The following FHIT variants were observed in gnomAD, a reference collection of about 807,000 sequenced individuals.
FHIT encodes the protein bis(5'-adenosyl)-triphosphatase.
Under a neutral mutation model 17.9 loss-of-function variants are expected in FHIT, and 19 were observed. That is an observed-to-expected ratio of 1.06 (90% CI 0.74 to 1.56). The LOEUF (loss-of-function observed/expected upper bound fraction) is 1.56. Ranked by LOEUF, FHIT falls within the 40% of genes most tolerant of loss-of-function variation. The pLI is 0.00. For missense variants in FHIT, 248 were observed against 189.2 expected, an observed-to-expected ratio of 1.31 and a Z score of -1.82; for synonymous variants, 81 against 69.7, an observed-to-expected ratio of 1.16 and a Z score of -0.81.
intron 8 of FHIT, among the ~76,000 whole-genome samples, chr3:59,902,220 C>T (rs1575667844): frequency 6.6e-6 from 1 of 152,232 alleles, no homozygotes; most frequent in African/African-American, 2.4e-5. Context: ...CACTAATCTT[C>T]AGGGAAATGG....
intron 5 of FHIT, among the ~76,000 whole-genome samples, chr3:60,068,836 A>T (rs1229308238): frequency 6.6e-6 from 1 of 152,236 alleles, no homozygotes; most frequent in African/African-American, 2.4e-5. Context: ...TTTTAAAAAA[A>T]ATTAGACGGT....
intron 4 of FHIT, among the ~76,000 whole-genome samples, chr3:60,815,426 T>C (rs1553737340): frequency 6.6e-6 from 1 of 152,140 alleles, no homozygotes; most frequent in Non-Finnish European, 1.5e-5. Flanking sequence ...TGGTGAAATG[T>C]AGGGGTCCAG....
chr3:60,203,337 G>A (rs547607594), intron 5 of FHIT, among the ~76,000 whole-genome samples: 3 of 152,100 alleles, frequency 2.0e-5, no homozygotes, highest in African/African-American at 7.2e-5. Flanking sequence ...TAATGACACG[G>A]TTCATCATCA....
intron 5 of FHIT, among the ~76,000 whole-genome samples, chr3:60,359,059 C>T (rs1033618999): frequency 6.6e-6 from 1 of 152,070 alleles, no homozygotes; most frequent in African/African-American, 2.4e-5. Flanking sequence ...ACTTGCCCAG[C>T]ACTGAGAATA....
intron 5 of FHIT, among the ~76,000 whole-genome samples, chr3:60,187,784 T>G (rs1702221797): frequency 6.6e-6 from 1 of 152,178 alleles, no homozygotes; most frequent in African/African-American, 2.4e-5. Flanking sequence ...TGCTCCTAAT[T>G]TAATTCATTC....
At chr3:60,370,831 A>G (rs1559860551) in intron 5 of FHIT, among the ~76,000 whole-genome samples, 2 of 152,212 alleles carry the variant, frequency 1.3e-5, no homozygotes, top group African/African-American at 4.8e-5. Context: ...CTCTTCTTAA[A>G]ATACTCATTT....
intron 1 of FHIT, among the ~76,000 whole-genome samples, chr3:61,228,436 T>C (rs565549307): frequency 1.5e-3 from 228 of 152,356 alleles, no homozygotes; most frequent in African/African-American, 5.0e-3. Flanking sequence ...TGTCACATCT[T>C]CACAATTTAC....
chr3:60,459,631 G>C (rs1478258491), intron 5 of FHIT, among the ~76,000 whole-genome samples: 1 of 152,168 alleles, frequency 6.6e-6, no homozygotes, highest in Non-Finnish European at 1.5e-5. Context: ...CAATAAAGCT[G>C]ATTATAAAGA....
intron 2 of FHIT, among the ~76,000 whole-genome samples, chr3:61,074,978 T>A (rs2034926557): frequency 6.6e-6 from 1 of 152,284 alleles, no homozygotes; most frequent in South Asian, 2.1e-4. Flanking sequence ...CCAAGCTAGG[T>A]TCAGTCTCAG....
chr3:60,370,736 AT>A (rs1384463819), intron 5 of FHIT, among the ~76,000 whole-genome samples: 2 of 152,030 alleles, frequency 1.3e-5, no homozygotes, highest in African/African-American at 4.8e-5. Flanking sequence ...CTCTAATGCA[AT>A]TTTTTAAAAA....
chr3:61,114,500 A>C (rs1000102993), intron 2 of FHIT, among the ~76,000 whole-genome samples: 5 of 152,186 alleles, frequency 3.3e-5, no homozygotes, highest in Non-Finnish European at 1.5e-5. Flanking sequence ...CTTCATGCAT[A>C]AAATAGGATT....
intron 8 of FHIT, among the ~76,000 whole-genome samples, chr3:59,871,408 T>C (rs544457289): frequency 3.7e-4 from 56 of 152,266 alleles, no homozygotes; most frequent in Non-Finnish European, 7.5e-4. Flanking sequence ...TGTTAACAAA[T>C]GTAGCCCTAC....
At chr3:60,262,532 A>C (rs912289868) in intron 5 of FHIT, among the ~76,000 whole-genome samples, 2 of 151,922 alleles carry the variant, frequency 1.3e-5, no homozygotes, top group Non-Finnish European at 2.9e-5. Flanking sequence ...GACTATTCTT[A>C]CTCTATCATA....
chr3:60,904,798 G>A lies in FHIT; in HGVS notation c.-110-82787C>T, dbSNP rs1706313608. Among the ~76,000 whole-genome samples the A allele has an allele frequency of 3.3e-5, 5 of 151,886 alleles. 1 individual carries two copies. In the South Asian group the frequency reaches 1.0e-3, roughly 32 times the overall value. Reference sequence around the variant, plus strand: ...CTACTAAAAATACAAAAATCAGCCAGGCACGGTGGCAGGCGCCTGTAATCC... The same window carrying A: ...CTACTAAAAATACAAAAATCAGCCAAGCACGGTGGCAGGCGCCTGTAATCC... On this transcript the variant is annotated intron_variant, in intron 3 of 9. Transcript: ENST00000492590.
intron 5 of FHIT, among the ~76,000 whole-genome samples, chr3:60,105,752 A>AT (rs5849327): frequency 2.6e-5 from 4 of 151,592 alleles, no homozygotes; most frequent in African/African-American, 7.3e-5. Context: ...AAAAGTGTGG[A>AT]TTTTTTTTTA....
At chr3:60,698,815 T>A (rs2041173325) in intron 4 of FHIT, among the ~76,000 whole-genome samples, 1 of 152,206 alleles carries the variant, frequency 6.6e-6, no homozygotes, top group Non-Finnish European at 1.5e-5. Context: ...AACTTTCATG[T>A]ATTTTTCTTA....
intron 5 of FHIT, 85 bp downstream of exon 5, chr3:60,536,775 G>C: frequency 7.1e-7 from 1 of 1,401,456 alleles, no homozygotes; most frequent in Non-Finnish European, 9.5e-7. Flanking sequence ...ACAGACTGGA[G>C]GCCAATCTTG....
At chr3:60,506,002 A>T (rs895211449) in intron 5 of FHIT, among the ~76,000 whole-genome samples, 1 of 152,052 alleles carries the variant, frequency 6.6e-6, no homozygotes, top group Non-Finnish European at 1.5e-5. Context: ...TGGTTTGATG[A>T]CTCCTCATTT....
chr3:60,955,098 A>G (rs1041099574), intron 3 of FHIT, among the ~76,000 whole-genome samples: 2 of 152,192 alleles, frequency 1.3e-5, no homozygotes, highest in African/African-American at 2.4e-5. Flanking sequence ...CGTTAAGTCA[A>G]ATCTAGTAGT....
Sources: gnomAD v4.1 joint callset for allele counts (sites outside exome capture counted in the v4.1 genomes callset) on GRCh38, gnomAD v4.1.1 for gene constraint, MANE v1.5 for transcripts, NCBI Gene and HGNC (gene_info 2026-07-23, HGNC 2026-07-21) for gene names.